PRH1: variants seen among roughly 807,000 people sequenced by gnomAD.
PRH1 encodes salivary acidic proline-rich phosphoprotein 1/2.
In PRH1, 7 loss-of-function variants were observed where a neutral mutation model predicts 7.9. The ratio of observed to expected loss-of-function variants is 0.89; its 90% CI spans 0.50 to 1.67. The LOEUF is 1.67. PRH1 is among the 40% of genes most tolerant of loss of function. The pLI, the probability that PRH1 is intolerant of heterozygous loss-of-function variation, is 0.00. For synonymous variants in PRH1, 45 were observed against 80.8 expected (o/e 0.56, Z 2.38); for missense variants, 109 against 223.6 (o/e 0.49, Z 3.27).
upstream of PRH1, among the ~76,000 whole-genome samples, chr12:10,884,482 T>C (rs1949459790): frequency 6.6e-6 from 1 of 152,204 alleles, no homozygotes; most frequent in Admixed American, 6.5e-5. Flanking sequence ...ACAAATGTTT[T>C]GACGGAACTG....
At chr12:10,922,286 C>T (rs1380724161) in intron 2 of PRH1, among the ~76,000 whole-genome samples, 1 of 152,070 alleles carries the variant, frequency 6.6e-6, no homozygotes, top group Non-Finnish European at 1.5e-5. Context: ...ATCTGGAAAA[C>T]TTTTTTATAA....
intron 1 of PRH1, among the ~76,000 whole-genome samples, chr12:10,980,238 G>A (rs1043569852): frequency 1.3e-5 from 2 of 152,060 alleles, no homozygotes; most frequent in Non-Finnish European, 2.9e-5. Context: ...TGATTACTGC[G>A]ATACTGAGAC....
At chr12:11,110,842 T>A (rs1368833868) in intron 1 of PRH1, among the ~76,000 whole-genome samples, 1 of 152,108 alleles carries the variant, frequency 6.6e-6, no homozygotes, top group Non-Finnish European at 1.5e-5. Flanking sequence ...ATACCCCAAT[T>A]AAAAGGCACA....
chr12:10,997,009 G>A (rs1940284794), intron 1 of PRH1: 3 of 1,613,864 alleles, frequency 1.9e-6, no homozygotes, highest in Non-Finnish European at 2.5e-6. Context: ...CTGAAAGAAA[G>A]GTCTGCTTTA....
At chr12:10,901,794 A>G (rs1406059645) in intron 2 of PRH1, among the ~76,000 whole-genome samples, 1 of 139,772 alleles carries the variant, frequency 7.2e-6, no homozygotes, top group Non-Finnish European at 1.6e-5. Context: ...ATACCTCCTA[A>G]GGAGGGAGGG....
chr12:11,023,445 T>C (rs1360221000), intron 1 of PRH1, among the ~76,000 whole-genome samples: 1 of 152,034 alleles, frequency 6.6e-6, no homozygotes, highest in Non-Finnish European at 1.5e-5. Context: ...TGTTTAAACA[T>C]TAATTATTTA....
chr12:11,165,228 A>C (rs757682313), intron 1 of PRH1, among the ~76,000 whole-genome samples: 7 of 152,168 alleles, frequency 4.6e-5, no homozygotes, highest in Non-Finnish European at 1.0e-4. Context: ...CTCCACCAGT[A>C]ATGTATGAGG....
chr12:11,136,324 T>C (rs1235837469), intron 1 of PRH1, among the ~76,000 whole-genome samples: 2 of 151,852 alleles, frequency 1.3e-5, no homozygotes, highest in Non-Finnish European at 2.9e-5. Context: ...TGGTTTTTTT[T>C]CACTTCTCTA....
chr12:11,065,276 T>C (rs1943760120), intron 1 of PRH1, among the ~76,000 whole-genome samples: 1 of 152,112 alleles, frequency 6.6e-6, no homozygotes, highest in African/African-American at 2.4e-5. Context: ...GTCTTTGATG[T>C]CCTGTCATTT....
intron 1 of PRH1, among the ~76,000 whole-genome samples, chr12:11,075,364 G>A (rs537089051): frequency 4.2e-5 from 5 of 117,872 alleles, no homozygotes; most frequent in Admixed American, 2.5e-4. Flanking sequence ...AGCTTAACCA[G>A]TTGCAAAGTT....
At chr12:11,060,509 T>C (rs1373451204) in intron 1 of PRH1, among the ~76,000 whole-genome samples, 1 of 152,002 alleles carries the variant, frequency 6.6e-6, no homozygotes, top group Non-Finnish European at 1.5e-5. Flanking sequence ...ACTAAAATAG[T>C]TTACATCACC....
intron 1 of PRH1, 47 bp from the exon 2 acceptor site, chr12:10,883,143 T>G: frequency 6.3e-7 from 1 of 1,589,514 alleles, no homozygotes; most frequent in Middle Eastern, 1.8e-4. Flanking sequence ...TCCTGAATCA[T>G]TCAAGGCTCA....
At chr12:11,064,637 T>G (rs1943737822) in intron 1 of PRH1, among the ~76,000 whole-genome samples, 1 of 152,180 alleles carries the variant, frequency 6.6e-6, no homozygotes, top group Admixed American at 6.5e-5. Flanking sequence ...GCCATTTGCA[T>G]GTATCTTATC....
chr12:11,031,089 T>C lies in PRH1; in HGVS notation c.-126+15931A>G, dbSNP rs191131426. On this transcript the variant is annotated intron_variant, in intron 1 of 3. Transcript: ENST00000539853. ...GTTACTGCCCAGACATTATAAGCAG[T>C]AGTTCTTACTTCTACACTATAAAAA... The C allele has an allele frequency of 9.3e-6, 15 of 1,614,290 alleles. No homozygotes were observed. In the Middle Eastern group the frequency reaches 4.9e-4, roughly 53 times the overall value.
intron 1 of PRH1, among the ~76,000 whole-genome samples, chr12:11,111,705 G>A (rs980876726): frequency 1.3e-5 from 2 of 152,338 alleles, no homozygotes; most frequent in African/African-American, 4.8e-5. Flanking sequence ...AAGTGGGAAA[G>A]ATCTAAAGTT....
chr12:11,170,218 G>A (rs1947779044), intron 1 of PRH1, among the ~76,000 whole-genome samples: 1 of 152,216 alleles, frequency 6.6e-6, no homozygotes, highest in African/African-American at 2.4e-5. Flanking sequence ...GGCTATTAGA[G>A]ATTCACTGTG....
chr12:11,160,710 T>G (rs190469425), intron 1 of PRH1, among the ~76,000 whole-genome samples: 1 of 152,076 alleles, frequency 6.6e-6, no homozygotes, highest in Admixed American at 6.6e-5. Flanking sequence ...CCTGACCTCG[T>G]GATCCTCCTG....
intron 1 of PRH1, among the ~76,000 whole-genome samples, chr12:11,131,364 G>C (rs2599397): frequency 0.46 from 69,196 of 151,138 alleles, 16,550 homozygotes; most frequent in Non-Finnish European, 0.53. Context: ...GTTTCACATC[G>C]GTTCTTGTCT....
At chr12:11,023,285 TA>T (rs1369005851) in intron 1 of PRH1, among the ~76,000 whole-genome samples, 1 of 152,192 alleles carries the variant, frequency 6.6e-6, no homozygotes, top group Non-Finnish European at 1.5e-5. Flanking sequence ...TATTTTCTTA[TA>T]ATTCCCCAAA....
Sources: gnomAD v4.1 joint callset for allele counts (sites outside exome capture counted in the v4.1 genomes callset) on GRCh38, gnomAD v4.1.1 for gene constraint, MANE v1.5 for transcripts, NCBI Gene and HGNC (gene_info 2026-07-23, HGNC 2026-07-21) for gene names.